Variants in PTPRD observed in about 807,000 individuals in gnomAD.
PTPRD encodes protein tyrosine phosphatase receptor type D.
PTPRD carries 34 observed loss-of-function variants against 214.5 expected under a neutral mutation model. The observed-to-expected ratio is 0.16, with a 90% CI of 0.12 to 0.21. The LOEUF (loss-of-function observed/expected upper bound fraction) is 0.21, where lower values mean the gene tolerates loss of function less well. Among genes scored for constraint, PTPRD ranks in the 10% least tolerant of loss-of-function variants. The probability of loss-of-function intolerance (pLI) is 1.00; values close to 1 mark genes in which losing one functional copy is unlikely to be tolerated. For synonymous variants in PTPRD, 1,128 were observed against 845.7 expected (o/e 1.33, Z -5.79); for missense variants, 2,545 against 2,398.7 (o/e 1.06, Z -1.27).
chr9:10,089,384 C>A (rs531881995), intron 3 of PTPRD, among the ~76,000 whole-genome samples: 1 of 151,264 alleles, frequency 6.6e-6, no homozygotes, highest in Non-Finnish European at 1.5e-5. Flanking sequence ...ACTTATTTTG[C>A]CTTCTTTTTG....
At chr9:9,346,043 G>C (rs988182683) in intron 9 of PTPRD, among the ~76,000 whole-genome samples, 1 of 152,100 alleles carries the variant, frequency 6.6e-6, no homozygotes, top group African/African-American at 2.4e-5. Flanking sequence ...TAAGAGTATA[G>C]AATAGGGGCC....
intron 12 of PTPRD, among the ~76,000 whole-genome samples, chr9:8,696,721 A>C (rs2097918110): frequency 6.6e-6 from 1 of 152,240 alleles, no homozygotes; most frequent in Non-Finnish European, 1.5e-5. Flanking sequence ...GGAATGCAGA[A>C]GCTAGGTCAA....
chr9:8,807,711 C>T (rs2096715733), intron 11 of PTPRD, among the ~76,000 whole-genome samples: 1 of 151,494 alleles, frequency 6.6e-6, no homozygotes, highest in Non-Finnish European at 1.5e-5. Flanking sequence ...AAACACAAAA[C>T]GTCTTTCATG....
intron 2 of PTPRD, among the ~76,000 whole-genome samples, chr9:10,418,433 A>T (rs1185961439): frequency 6.9e-6 from 1 of 145,380 alleles, no homozygotes; most frequent in Non-Finnish European, 1.5e-5. Context: ...ATTTAAAATG[A>T]AGCCTTCCCC....
chr9:9,166,786 C>T (rs2099905079), intron 10 of PTPRD, among the ~76,000 whole-genome samples: 1 of 151,940 alleles, frequency 6.6e-6, no homozygotes, highest in Non-Finnish European at 1.5e-5. Flanking sequence ...TACCTCTCCC[C>T]AAAAGAAATC....
chr9:9,618,213 G>C (rs1317076230), intron 7 of PTPRD, among the ~76,000 whole-genome samples: 2 of 149,032 alleles, frequency 1.3e-5, no homozygotes, highest in Admixed American at 1.4e-4. Context: ...ATCTGTGTTA[G>C]ACACCATCCT....
At chr9:9,750,340 G>A (rs1168678627) in intron 6 of PTPRD, among the ~76,000 whole-genome samples, 1 of 152,020 alleles carries the variant, frequency 6.6e-6, no homozygotes, top group Non-Finnish European at 1.5e-5. Flanking sequence ...AAAAAGAGCT[G>A]GAAATAGAGA....
chr9:8,515,277 T>A (rs559926110), intron 21 of PTPRD, among the ~76,000 whole-genome samples: 2 of 152,240 alleles, frequency 1.3e-5, no homozygotes, highest in African/African-American at 4.8e-5. Context: ...ATCTGCCTAA[T>A]TGGTTTGTGA....
At chr9:10,319,118 T>C (rs2096501578) in intron 3 of PTPRD, among the ~76,000 whole-genome samples, 1 of 152,242 alleles carries the variant, frequency 6.6e-6, no homozygotes, top group East Asian at 1.9e-4. Context: ...ACTGTGTCTA[T>C]TGGCAAGACA....
intron 37 of PTPRD, among the ~76,000 whole-genome samples, chr9:8,382,174 G>A (rs542637837): frequency 6.6e-6 from 1 of 152,312 alleles, no homozygotes; most frequent in South Asian, 2.1e-4. Context: ...CATCAATGCA[G>A]TTCAATATTT....
At chr9:9,805,294 T>C (rs983134770) in intron 5 of PTPRD, among the ~76,000 whole-genome samples, 9 of 152,150 alleles carry the variant, frequency 5.9e-5, no homozygotes, top group African/African-American at 2.2e-4. Context: ...GTTTGGTAAA[T>C]GTACAATAAT....
At chr9:8,405,139 C>G (rs9785302) in intron 35 of PTPRD, among the ~76,000 whole-genome samples, 8,329 of 152,178 alleles carry the variant, frequency 0.055, 741 homozygotes, top group African/African-American at 0.19. Context: ...TCTACATGTT[C>G]ACAACTTAAT....
At chr9:8,989,406 T>C (rs2099357712) in intron 11 of PTPRD, among the ~76,000 whole-genome samples, 1 of 152,044 alleles carries the variant, frequency 6.6e-6, no homozygotes, top group African/African-American at 2.4e-5. Flanking sequence ...ATCTATTCTC[T>C]ATCTCTATGA....
intron 12 of PTPRD, among the ~76,000 whole-genome samples, chr9:8,662,392 G>C (rs1166763993): frequency 1.3e-5 from 2 of 152,070 alleles, no homozygotes; most frequent in Middle Eastern, 3.2e-3. Context: ...ACCAATCTTG[G>C]GATCAAGAGA....
intron 7 of PTPRD, among the ~76,000 whole-genome samples, chr9:9,636,142 C>G (rs971473389): frequency 6.6e-6 from 1 of 152,122 alleles, no homozygotes; most frequent in African/African-American, 2.4e-5. Context: ...GTGTTCTTCT[C>G]CTGACCTGAA....
intron 9 of PTPRD, among the ~76,000 whole-genome samples, chr9:9,361,246 G>T (rs769851896): frequency 1.3e-5 from 2 of 150,938 alleles, no homozygotes; most frequent in African/African-American, 2.4e-5. Flanking sequence ...AAAATGCCCA[G>T]GCTTTTCTCC....
intron 8 of PTPRD, among the ~76,000 whole-genome samples, chr9:9,402,125 C>T (rs906091696): frequency 3.3e-5 from 5 of 151,664 alleles, no homozygotes; most frequent in South Asian, 4.2e-4. Context: ...TATTGTAAAC[C>T]GACAGTAAAC....
chr9:8,339,973 AG>A (rs1390726450), intron 42 of PTPRD, among the ~76,000 whole-genome samples: 1 of 152,098 alleles, frequency 6.6e-6, no homozygotes, highest in Non-Finnish European at 1.5e-5. Context: ...CAGGAAGAAA[AG>A]AAAGTCAAGT....
At chr9:10,314,987 C>T (rs1327339999) in intron 3 of PTPRD, among the ~76,000 whole-genome samples, 1 of 151,778 alleles carries the variant, frequency 6.6e-6, no homozygotes, top group South Asian at 2.1e-4. Context: ...TACTTCCTTG[C>T]CATTTAAGTG....
Sources: allele counts gnomAD v4.1 joint callset (sites outside exome capture counted in the v4.1 genomes callset), GRCh38; gene constraint gnomAD v4.1.1; transcripts MANE v1.5; gene names NCBI Gene and HGNC (gene_info 2026-07-23, HGNC 2026-07-21).